Variants in CD8B2 observed in about 807,000 individuals in gnomAD.
CD8B2 encodes the protein T-cell surface glycoprotein CD8 beta-2 chain.
Under a neutral mutation model 23.7 loss-of-function variants are expected in CD8B2, and 11 were observed. The observed-to-expected ratio is 0.46, with a 90% CI of 0.29 to 0.77. CD8B2 has a LOEUF of 0.77. CD8B2 is among the 30% of genes least tolerant of loss of function. The pLI is 0.09. For missense variants in CD8B2, 197 were observed against 270.5 expected (o/e 0.73, Z 1.91); for synonymous variants, 90 against 109.3 (o/e 0.82, Z 1.10).
chr2:106,528,065 C>T (rs776862397), intron 5 of CD8B2, among the ~76,000 whole-genome samples: 10 of 152,164 alleles, frequency 6.6e-5, no homozygotes, highest in Admixed American at 3.9e-4. Flanking sequence ...CAGGGCTGGC[C>T]GGGCATCACC....
At chr2:106,519,324 G>A (rs1462387993) in intron 5 of CD8B2, among the ~76,000 whole-genome samples, 2 of 152,136 alleles carry the variant, frequency 1.3e-5, no homozygotes, top group Non-Finnish European at 2.9e-5. Context: ...GGCTGTCTGT[G>A]CCTGCTGACC....
chr2:106,533,201 G>C (rs533711258), intron 5 of CD8B2, among the ~76,000 whole-genome samples: 1 of 152,256 alleles, frequency 6.6e-6, no homozygotes, highest in South Asian at 2.1e-4. Flanking sequence ...GGCAGAATCC[G>C]GGGGCACCAG....
chr2:106,520,986 A>C (rs897090986), intron 5 of CD8B2, among the ~76,000 whole-genome samples: 1 of 71,788 alleles, frequency 1.4e-5, no homozygotes, highest in South Asian at 7.0e-4. Flanking sequence ...TCTCTCTCTA[A>C]GAAAAAATTG....
intron 1 of CD8B2, among the ~76,000 whole-genome samples, chr2:106,489,614 G>A (rs1679153183): frequency 6.6e-6 from 1 of 152,198 alleles, no homozygotes; most frequent in Non-Finnish European, 1.5e-5. Flanking sequence ...CACCAGGTCA[G>A]ATTGTGTTTG....
At chr2:106,491,452 G>C (rs2104549985) in intron 2 of CD8B2, among the ~76,000 whole-genome samples, 1 of 152,350 alleles carries the variant, frequency 6.6e-6, no homozygotes, top group Non-Finnish European at 1.5e-5. Flanking sequence ...ACCCTGGAAG[G>C]TAGGTCTATT....
Position 106,507,689 on chromosome 2 carries a change from G to C in CD8B2, c.*749G>C. ...AACGGGTCCTGTGACATAAACGTACGAAAGCCCATCTACAGCAAAGACATC... is the reference window on the plus strand; with the variant it reads ...AACGGGTCCTGTGACATAAACGTACCAAAGCCCATCTACAGCAAAGACATC... On this transcript the variant is annotated 3_prime_UTR_variant, in exon 6 of 6. Transcript: ENST00000643224. The C allele has an allele frequency of 1.1e-6, 1 of 934,798 alleles. No individual in the cohort carries two copies. Among genetic ancestry groups the C allele is most frequent in the Middle Eastern group, 5.5e-4 (1 of 1,816 alleles). 57.9% of individuals were successfully genotyped at this position (934,798 alleles called of 1,614,324 possible). A position where few individuals can be genotyped will look rare whatever the true frequency, so the allele number is the denominator to read the frequency against.
Position 106,490,869 on chromosome 2 carries a change from C to T in CD8B2, c.44-5C>T, listed in dbSNP as rs1259184939. The T allele has an allele frequency of 1.4e-5, 22 of 1,565,186 alleles. No homozygotes were observed. The highest frequency in any genetic ancestry group is 1.9e-5 in the Non-Finnish European group (22 of 1,154,956). On this transcript the variant is annotated splice_region_variant and splice_polypyrimidine_tract_variant and intron_variant, in intron 1 of 5. Coordinates refer to ENST00000643224, the MANE Select transcript of CD8B2 (RefSeq NM_001349727.2). Reference sequence around the variant, plus strand: ...TGCGATGTCTCTGTTCTTGGCTTTTCCTAGTTCTCCATGGCAACTCAGTCC... The same window carrying T: ...TGCGATGTCTCTGTTCTTGGCTTTTTCTAGTTCTCCATGGCAACTCAGTCC...
intron 5 of CD8B2, among the ~76,000 whole-genome samples, chr2:106,529,911 G>A (rs1052374721): frequency 1.3e-5 from 2 of 152,330 alleles, no homozygotes; most frequent in African/African-American, 2.4e-5. Flanking sequence ...TACTGCAGGT[G>A]TAGCAGTCAA....
chr2:106,538,762 C>CT (rs1268257868), intron 5 of CD8B2, among the ~76,000 whole-genome samples: 4 of 152,100 alleles, frequency 2.6e-5, no homozygotes, highest in Non-Finnish European at 4.4e-5. Flanking sequence ...CTGTGCTGAG[C>CT]TTGGACCCCT....
chr2:106,519,924 T>C (rs1429447897), intron 5 of CD8B2, among the ~76,000 whole-genome samples: 1 of 152,206 alleles, frequency 6.6e-6, no homozygotes, highest in Admixed American at 6.5e-5. Context: ...ATATTTTGTG[T>C]ACCATTCTGT....
At chr2:106,499,694 C>T (rs1679365702) in intron 3 of CD8B2, among the ~76,000 whole-genome samples, 1 of 151,854 alleles carries the variant, frequency 6.6e-6, no homozygotes, top group South Asian at 2.1e-4. Flanking sequence ...AGTAAGATTC[C>T]CTGTGCTTGT....
intron 5 of CD8B2, among the ~76,000 whole-genome samples, chr2:106,531,578 G>A (rs1394641899): frequency 1.3e-5 from 2 of 152,234 alleles, no homozygotes; most frequent in South Asian, 4.2e-4. Flanking sequence ...AGTCCCTAGG[G>A]CCATGTGAGC....
chr2:106,522,981 C>T (rs1679850786), intron 5 of CD8B2, among the ~76,000 whole-genome samples: 1 of 151,994 alleles, frequency 6.6e-6, no homozygotes, highest in East Asian at 1.9e-4. Flanking sequence ...TGCTATTGCT[C>T]TCAAAATTTT....
intron 5 of CD8B2, among the ~76,000 whole-genome samples, chr2:106,537,714 G>A (rs898941802): frequency 6.6e-6 from 1 of 152,148 alleles, no homozygotes. Flanking sequence ...CTGAAGTGGC[G>A]GTCGATTTCT....
intron 5 of CD8B2, among the ~76,000 whole-genome samples, chr2:106,532,586 A>T (rs1196606287): frequency 6.6e-6 from 1 of 152,230 alleles, no homozygotes; most frequent in Non-Finnish European, 1.5e-5. Flanking sequence ...TCTTGATTAT[A>T]TGCTAAACAA....
At chr2:106,519,950 G>C (rs557089566) in intron 5 of CD8B2, among the ~76,000 whole-genome samples, 2 of 152,232 alleles carry the variant, frequency 1.3e-5, no homozygotes, top group African/African-American at 4.8e-5. Flanking sequence ...TTGATAGCAG[G>C]CTTATCAGCA....
At chr2:106,501,369 C>G (rs1476471622) in intron 3 of CD8B2, among the ~76,000 whole-genome samples, 1 of 152,028 alleles carries the variant, frequency 6.6e-6, no homozygotes, top group Non-Finnish European at 1.5e-5. Context: ...ATAATCCACT[C>G]TATATATTTT....
intron 5 of CD8B2, among the ~76,000 whole-genome samples, chr2:106,541,674 A>G (rs1680176647): frequency 6.6e-6 from 1 of 152,218 alleles, no homozygotes; most frequent in Admixed American, 6.5e-5. Context: ...GTGGGAGTGC[A>G]TTACATATTG....
chr2:106,496,946 A>G (rs1291434258), intron 3 of CD8B2, among the ~76,000 whole-genome samples: 1 of 152,236 alleles, frequency 6.6e-6, no homozygotes, highest in Non-Finnish European at 1.5e-5. Context: ...CTGTTAACAA[A>G]CAAAAAATCC....
Sources: gnomAD v4.1 joint callset for allele counts (sites outside exome capture counted in the v4.1 genomes callset) on GRCh38, gnomAD v4.1.1 for gene constraint, MANE v1.5 for transcripts, NCBI Gene and HGNC (gene_info 2026-07-23, HGNC 2026-07-21) for gene names.